MYH2: variants seen among roughly 807,000 people sequenced by gnomAD.
MYH2 encodes myosin-2.
In MYH2, 139 loss-of-function variants were observed where a neutral mutation model predicts 228.1. That is an observed-to-expected ratio of 0.61 (90% confidence interval 0.53 to 0.70). The LOEUF is 0.70. Among genes scored for constraint, MYH2 ranks in the 30% least tolerant of loss-of-function variants. MYH2 has a pLI of 0.00. For synonymous variants in MYH2, 796 were observed against 871.1 expected, an observed-to-expected ratio of 0.91 and a Z score of 1.52; for missense variants, 1,809 against 2,357.5, an observed-to-expected ratio of 0.77 and a Z score of 4.82.
In MYH2 at chr17:10,526,590, T is replaced by C; in HGVS notation, c.4187+9A>G. ...TTTTCTGCTCATTCTCTCATATCTG[T>C]GCACATACTTGGCCTCCTCCAGCTC... On this transcript the variant is annotated intron_variant, in intron 30 of 39. Coordinates refer to ENST00000245503, the MANE Select transcript of MYH2 (RefSeq NM_017534.6). 1 of 1,614,024 alleles carries C rather than the reference T, an allele frequency of 6.2e-7. No individual in the cohort carries two copies. Among genetic ancestry groups the C allele is most frequent in the Non-Finnish European group, 8.5e-7 (1 of 1,179,862 alleles).
rs2073501669 is a variant in MYH2 at position 10,537,829 on chromosome 17, T to A, written c.1423A>T (p.Ser475Cys). The A allele has an allele frequency of 6.2e-7, 1 of 1,614,084 alleles. No homozygotes were observed. The highest frequency in any genetic ancestry group is 8.5e-7 in the Non-Finnish European group (1 of 1,180,038). The change falls in exon 15 of 40, where the codon AGC (serine) becomes TGC (cysteine). Residue 475 changes from serine to cysteine, a missense_variant. Coordinates refer to ENST00000245503, the MANE Select transcript of MYH2 (RefSeq NM_017534.6). This position sits in a 1 kb window ranked among gnomAD's most constrained non-coding sequence, Gnocchi z 4.0. ...IAGFEIFDFNSLEQLCINFTN... is the reference protein window; with the variant it reads ...IAGFEIFDFNCLEQLCINFTN... ...AAGTTGATGCACAGCTGCTCCAGGC[T>A]GTTGAACTAAATAAATAGATATGTT... is the stretch of plus-strand genomic sequence containing the variant.
At chr17:10,534,025 A>T (rs2073454982) in intron 19 of MYH2, among the ~76,000 whole-genome samples, 1 of 152,252 alleles carries the variant, frequency 6.6e-6, no homozygotes. Flanking sequence ...GGTATTCAGA[A>T]CTATCCTAAT....
Position 10,539,303 on chromosome 17 carries a change from G to T in MYH2, c.1318C>A (p.Leu440Met). Residue 440 changes from leucine (L) to methionine (M), a missense_variant, in exon 14 of 40, where the codon CTG becomes ATG. Around this residue, in one of 9 missense-constraint regions of MYH2, gnomAD observed 373 missense variants for 620.4 expected, o/e 0.60. Coordinates refer to ENST00000245503, the MANE Select transcript of MYH2 (RefSeq NM_017534.6). Reference protein sequence around the residue: ...LAKAVYEKMFLWMVARINQQL... With the variant: ...LAKAVYEKMFMWMVARINQQL... ...TGGTTGATGCGGGCAACCATCCACA[G>T]GAACATCTTCTCGTAGACGGCTTTG... The T allele has an allele frequency of 6.2e-7, 1 of 1,614,208 alleles. No homozygotes were observed. The highest frequency in any genetic ancestry group is 8.5e-7 in the Non-Finnish European group (1 of 1,180,036).
At chr17:10,541,493 T>G (rs2073554634) in intron 10 of MYH2, among the ~76,000 whole-genome samples, 1 of 152,196 alleles carries the variant, frequency 6.6e-6, no homozygotes. Context: ...TGCCTCCTGA[T>G]AAGATGTTAT....
At chr17:10,526,831 T>C in intron 29 of MYH2, 36 bp from the exon 30 acceptor site, 1 of 1,614,198 alleles carries the variant, frequency 6.2e-7, no homozygotes, top group Non-Finnish European at 8.5e-7. Context: ...TTACTGGATA[T>C]TTAAATATTT....
rs2142300910 is a variant in MYH2, at chr17:10,529,941, G to T, written c.2831C>A (p.Ala944Asp). ...DEEEINAELT[A>D]KKRKLEDECS... The stretch of plus-strand genomic sequence containing the variant: ...TTCATCCTCCAGTTTCCTCTTCTTG[G>T]CTGTCAGCTCAGCATTGATCTCTTC... The change falls in exon 23 of 40, where the codon GCC (alanine) becomes GAC (aspartate). Residue 944 changes from alanine to aspartate, a missense_variant. Ala to Asp is a moderately radical substitution (Grantham distance 126). This residue lies in a region of MYH2 where 43 missense variants were observed against 89.2 expected (regional missense o/e 0.48). Transcript: ENST00000245503. 5.6e-6 allele frequency: 9 copies of T among 1,612,784 alleles called. No individual in the cohort carries two copies. Among genetic ancestry groups the T allele is most frequent in the Non-Finnish European group, 7.6e-6 (9 of 1,179,162 alleles).
chr17:10,524,406 G>C lies in MYH2; in HGVS notation c.5175+60C>G. ...GTCTAGCTGTCTTATGAAAACTCAGGCTTATCTATTCTGGGACATATAAAA... is the reference window on the plus strand; with the variant it reads ...GTCTAGCTGTCTTATGAAAACTCAGCCTTATCTATTCTGGGACATATAAAA... On this transcript the variant is annotated intron_variant, in intron 35 of 39. Coordinates refer to ENST00000245503, the MANE Select transcript of MYH2 (RefSeq NM_017534.6). This position sits in a 1 kb window ranked among gnomAD's most constrained non-coding sequence, Gnocchi z 4.7. The C allele has an allele frequency of 6.2e-7, 1 of 1,606,494 alleles. No homozygotes were observed. The highest frequency in any genetic ancestry group is 8.5e-7 in the Non-Finnish European group (1 of 1,173,122).
At position 10,544,003 on chromosome 17, in the gene MYH2, C is replaced by T; in HGVS notation, c.547G>A (p.Ala183Thr). The T allele has an allele frequency of 1.9e-6, 3 of 1,614,216 alleles. No homozygotes were observed. Among genetic ancestry groups the T allele is most frequent in the African/African-American group, 1.3e-5 (1 of 75,066 alleles). Residue 183 changes from alanine (A) to threonine (T), a missense_variant, in exon 7 of 40, where the codon GCA (alanine) becomes ACA (threonine). Ala to Thr is a moderately conservative substitution (Grantham distance 58). Around this residue, in one of 9 missense-constraint regions of MYH2, gnomAD observed 373 missense variants for 620.4 expected, o/e 0.60. Coordinates refer to ENST00000245503, the MANE Select transcript of MYH2 (RefSeq NM_017534.6). Reference sequence around the variant, plus strand: ...CGCTTGGTGTTCACAGTCTTCCCTGCACCAGATTCTCCACTGTCAAATCAA... The same window carrying T: ...CGCTTGGTGTTCACAGTCTTCCCTGTACCAGATTCTCCACTGTCAAATCAA... ...QSILITGESGAGKTVNTKRVI... is the reference protein window; with the variant it reads ...QSILITGESGTGKTVNTKRVI...
chr17:10,521,535 T>C, intron 39 of MYH2, 103 bp from the exon 40 acceptor site: 1 of 1,064,148 alleles, frequency 9.4e-7, no homozygotes, highest in South Asian at 1.3e-5. Flanking sequence ...AAGCAACATC[T>C]AGGGATTATC....
chr17:10,540,614 C>T lies in MYH2; in HGVS notation c.988G>A (p.Glu330Lys). 1 of 1,612,556 alleles carries T rather than the reference C, an allele frequency of 6.2e-7. No homozygotes were observed. The highest frequency in any genetic ancestry group is 8.5e-7 in the Non-Finnish European group (1 of 1,178,570). Reference protein sequence around the residue: ...EISVASIDDQEELMATDSAID... With the variant: ...EISVASIDDQKELMATDSAID... Reference sequence around the variant, plus strand: ...CTTACATCTGTGGCCATCAGTTCTTCCTGATCATCGATGCTGGCCACACTG... The same window carrying T: ...CTTACATCTGTGGCCATCAGTTCTTTCTGATCATCGATGCTGGCCACACTG... Residue 330 changes from glutamate (E) to lysine (K), a missense_variant, in exon 11 of 40, where the codon GAA becomes AAA. Physicochemically the swap from Glu to Lys is moderately conservative, Grantham distance 56 (BLOSUM62 1). Around this residue, in one of 9 missense-constraint regions of MYH2, gnomAD observed 373 missense variants for 620.4 expected, o/e 0.60. Coordinates refer to ENST00000245503, the MANE Select transcript of MYH2 (RefSeq NM_017534.6).
intron 30 of MYH2, 83 bp downstream of exon 30, chr17:10,526,516 A>C (rs1258586771): frequency 1.4e-5 from 22 of 1,587,438 alleles, no homozygotes; most frequent in Non-Finnish European, 1.9e-5. Context: ...TTTGTGGACT[A>C]ATTCACTGAA....
At chr17:10,539,055 G>A (rs2073518017) in intron 14 of MYH2, 150 bp downstream of exon 14, 2 of 1,386,322 alleles carry the variant, frequency 1.4e-6, no homozygotes, top group African/African-American at 1.4e-5. Flanking sequence ...AGTGGAATTG[G>A]TACTACAATA....
chr17:10,531,944 C>T, intron 21 of MYH2, 56 bp from the exon 22 acceptor site: 1 of 1,604,048 alleles, frequency 6.2e-7, no homozygotes, highest in Non-Finnish European at 8.5e-7. Flanking sequence ...GGGATGAAAC[C>T]TTGGCAGTGA....
In MYH2 at chr17:10,539,368, A is replaced by C. The variant is rs2073522918; in HGVS notation, c.1267-14T>G. ...TGCGTTGGACACCTTAAAAGACAAA[A>C]TTATAACTCTCGAAGTTATTAAAGG... On this transcript the variant is annotated splice_polypyrimidine_tract_variant and intron_variant, in intron 13 of 39. Transcript: ENST00000245503. 6.2e-7 allele frequency: 1 copy of C among 1,614,198 alleles called. No individual in the cohort carries two copies. Among genetic ancestry groups the C allele is most frequent in the East Asian group, 2.2e-5 (1 of 44,882 alleles).
At chr17:10,546,288 T>C (rs1262422269) in intron 4 of MYH2, among the ~76,000 whole-genome samples, 8 of 136,962 alleles carry the variant, frequency 5.8e-5, no homozygotes, top group African/African-American at 1.1e-4. Context: ...TATATATATA[T>C]ACATCATGAT....
At position 10,524,524 on chromosome 17, in the gene MYH2, T is replaced by A; in HGVS notation, c.5117A>T (p.Lys1706Ile). The A allele has an allele frequency of 6.2e-7, 1 of 1,614,226 alleles. No homozygotes were observed. The highest frequency in any genetic ancestry group is 8.5e-7 in the Non-Finnish European group (1 of 1,180,040). ...ATCCAGGAGCTCCTGTTCTGCGATT[T>A]TTCTGCTCCTCTCTGTCTGTTCCAG... Reference protein sequence around the residue: ...ATLEQTERSRKIAEQELLDAS... With the variant: ...ATLEQTERSRIIAEQELLDAS... The change falls in exon 35 of 40, where the codon AAA (lysine) becomes ATA (isoleucine). Residue 1706 changes from lysine to isoleucine, a missense_variant. By Grantham distance (102) the Lys-to-Ile change is moderately radical. Around this residue, in one of 9 missense-constraint regions of MYH2, gnomAD observed 278 missense variants for 308.5 expected, o/e 0.90. Transcript: ENST00000245503. The surrounding 1 kb of genome is among the most constrained non-coding windows in gnomAD (Gnocchi z 4.7).
chr17:10,530,198 A>G, intron 22 of MYH2, 124 bp from the exon 23 acceptor site: 7 of 1,559,740 alleles, frequency 4.5e-6, no homozygotes, highest in Non-Finnish European at 6.1e-6. Context: ...TCCTTCACAA[A>G]TTTTTGTTTC....
At chr17:10,532,795 C>T (rs2073440009) in intron 21 of MYH2, among the ~76,000 whole-genome samples, 1 of 152,150 alleles carries the variant, frequency 6.6e-6, no homozygotes, top group African/African-American at 2.4e-5. Flanking sequence ...TAGCTACATT[C>T]CCTGATGCAT....
rs763107075 is a variant in MYH2, at chr17:10,521,314, C to T, written c.5792G>A (p.Arg1931Gln). Residue 1931 changes from arginine (R) to glutamine (Q), a missense_variant, in exon 40 of 40, where the codon CGG (arginine) becomes CAG (glutamine). Transcript: ENST00000245503. ...SQVNKLRVKS[R>Q]EVHTKVISEE The stretch of plus-strand genomic sequence containing the variant: ...ACTTATGACTTTTGTGTGAACCTCC[C>T]GGCTCTTCACCCGCAGTTTGTTCAC... 2.7e-5 allele frequency: 44 copies of T among 1,613,954 alleles called. No homozygotes were observed. The highest frequency in any genetic ancestry group is 1.3e-4 in the Admixed American group (8 of 60,002).
Sources: allele counts gnomAD v4.1 joint callset (sites outside exome capture counted in the v4.1 genomes callset), GRCh38; gene constraint gnomAD v4.1.1; regional missense constraint gnomAD v4.1.1; non-coding constraint Gnocchi (gnomAD v3.1); transcripts MANE v1.5; gene names NCBI Gene and HGNC (gene_info 2026-07-23, HGNC 2026-07-21).